Variants in TNKS1BP1 observed in about 807,000 individuals in gnomAD.
TNKS1BP1 encodes the protein CCR4-NOT transcription complex subunit 12, also known as 182 kDa tankyrase-1-binding protein.
In TNKS1BP1, 48 loss-of-function variants were observed where a neutral mutation model predicts 141.1. The ratio of observed to expected loss-of-function variants is 0.34; its 90% CI spans 0.27 to 0.43. The LOEUF is 0.43. TNKS1BP1 is among the 20% of genes least tolerant of loss of function. The pLI, the probability that TNKS1BP1 is intolerant of heterozygous loss-of-function variation, is 1.00. For synonymous variants in TNKS1BP1, 875 were observed against 898.2 expected, an observed-to-expected ratio of 0.97 and a Z score of 0.46; for missense variants, 2,149 against 2,226.0, an observed-to-expected ratio of 0.97 and a Z score of 0.70.
intron 5 of TNKS1BP1, chr11:57,311,432 C>T: frequency 1.0e-6 from 1 of 985,934 alleles, no homozygotes; most frequent in Non-Finnish European, 1.2e-6. Flanking sequence ...TAGAGCTGGG[C>T]TGCTACCCGC....
chr11:57,304,182 C>G (rs867479411), intron 6 of TNKS1BP1, among the ~76,000 whole-genome samples: 1 of 152,094 alleles, frequency 6.6e-6, no homozygotes, highest in Admixed American at 6.5e-5. Flanking sequence ...AAGCCTGGCA[C>G]GGCAGTGCCT....
rs945903243 is a variant in TNKS1BP1, at chr11:57,306,200, C to T, written c.4316+2195G>A. On this transcript the variant is annotated intron_variant, in intron 6 of 11. Transcript: ENST00000358252. ...GGCTGAGGCAGGAGAATCGCTTGAA[C>T]CCAGAAGGCAGAGGTTGCAGTGAGC... is the stretch of plus-strand genomic sequence containing the variant. Among the ~76,000 whole-genome samples, 4 of 151,288 alleles carry T rather than the reference C, an allele frequency of 2.6e-5. No homozygotes were observed. The South Asian group carries it at 6.2e-4, about 24-fold the overall frequency.
rs576393669 is a variant in TNKS1BP1, at chr11:57,320,207, C to A, written c.600G>T (p.Arg200Ser). The stretch of plus-strand genomic sequence containing the variant: ...TGGGAGCAGTGGTCGTGCCATAGGT[C>A]CTGGGGCCATATCGCGAGCTGCCAT... Reference protein sequence around the residue: ...NHDGSSRYGPRTYGTTTAPRD... With the variant: ...NHDGSSRYGPSTYGTTTAPRD... Residue 200 changes from arginine (R) to serine (S), a missense_variant, in exon 3 of 12, where the codon AGG (arginine) becomes AGT (serine). Physicochemically the swap from Arg to Ser is moderately radical, Grantham distance 110 (BLOSUM62 -1). Coordinates refer to ENST00000358252, the MANE Select transcript of TNKS1BP1 (RefSeq NM_033396.3). 172 of 1,614,226 alleles carry A rather than the reference C, an allele frequency of 1.1e-4. No homozygotes were observed. The Middle Eastern group carries it at 1.3e-3, about 12-fold the overall frequency.
chr11:57,308,247 TA>T (rs1855642675), intron 6 of TNKS1BP1, 147 bp downstream of exon 6: 4 of 1,162,224 alleles, frequency 3.4e-6, no homozygotes, highest in South Asian at 1.7e-5. Flanking sequence ...TAAGTAGAAC[TA>T]AAAATTCTTA....
At chr11:57,320,024 C>CCCCCCCCCCATACCA in intron 3 of TNKS1BP1, 55 bp downstream of exon 3, 1 of 654,164 alleles carries the variant, frequency 1.5e-6, no homozygotes. Context: ...CCCACCCAAT[C>CCCCCCCCCCATACCA]CCACCCCACC....
At chr11:57,316,826 A>G (rs1855806285) in intron 4 of TNKS1BP1, among the ~76,000 whole-genome samples, 1 of 152,224 alleles carries the variant, frequency 6.6e-6, no homozygotes, top group Non-Finnish European at 1.5e-5. Flanking sequence ...ACTCTTCACA[A>G]CTAAGACAGC....
chr11:57,319,026 T>C (rs1855840054), intron 3 of TNKS1BP1, among the ~76,000 whole-genome samples: 1 of 151,234 alleles, frequency 6.6e-6, no homozygotes, highest in Non-Finnish European at 1.5e-5. Flanking sequence ...GCGCCTGTAG[T>C]CCCAGCTACT....
intron 8 of TNKS1BP1, 56 bp from the exon 9 acceptor site, chr11:57,301,999 C>T (rs1565037058): frequency 6.2e-7 from 1 of 1,606,026 alleles, no homozygotes; most frequent in Non-Finnish European, 8.5e-7. Flanking sequence ...ACTCCCCGAA[C>T]CCATAACCCC....
rs1317723642 is a variant in TNKS1BP1, at chr11:57,309,430, A to C, written c.3281T>G (p.Val1094Gly). The change falls in exon 6 of 12, where the codon GTT (valine) becomes GGT (glycine). Residue 1094 changes from valine to glycine, a missense_variant. By Grantham distance (109) the Val-to-Gly change is moderately radical. Coordinates refer to ENST00000358252, the MANE Select transcript of TNKS1BP1 (RefSeq NM_033396.3). This position sits in a 1 kb window ranked among gnomAD's most constrained non-coding sequence, Gnocchi z 4.3. ...RGWVGEFSLSVGPQREAAFSP... is the reference protein window; with the variant it reads ...RGWVGEFSLSGGPQREAAFSP... Reference sequence around the variant, plus strand: ...AAATGCTGCCTCTCGCTGGGGGCCAACACTGAGGCTAAACTCACCGACCCA... The same window carrying C: ...AAATGCTGCCTCTCGCTGGGGGCCACCACTGAGGCTAAACTCACCGACCCA... The C allele has an allele frequency of 6.2e-7, 1 of 1,613,922 alleles. No individual in the cohort carries two copies. Among genetic ancestry groups the C allele is most frequent in the Non-Finnish European group, 8.5e-7 (1 of 1,180,012 alleles).
chr11:57,310,460 C>T lies in TNKS1BP1; in HGVS notation c.2251G>A (p.Gly751Ser). Residue 751 changes from glycine to serine, a missense_variant, in exon 6 of 12, where the codon GGT (glycine) becomes AGT (serine). By Grantham distance (56) the Gly-to-Ser change is moderately conservative. Transcript: ENST00000358252. Reference protein sequence around the residue: ...SSFSPSSWCQGASQDYGLGGA... With the variant: ...SSFSPSSWCQSASQDYGLGGA... ...CCAAGGCCATAGTCCTGAGAAGCAC[C>T]TTGACACCAGCTGGAAGGACTGAAA... The T allele has an allele frequency of 1.2e-6, 2 of 1,613,542 alleles. No individual in the cohort carries two copies. Among genetic ancestry groups the T allele is most frequent in the Non-Finnish European group, 1.7e-6 (2 of 1,180,036 alleles).
rs1855821372 is a variant in TNKS1BP1 at position 57,317,849 on chromosome 11, G to A, written c.767C>T (p.Ala256Val). 1 of 1,614,050 alleles carries A rather than the reference G, an allele frequency of 6.2e-7. No individual in the cohort carries two copies. The highest frequency in any genetic ancestry group is 2.2e-5 in the East Asian group (1 of 44,886). The change falls in exon 4 of 12, where the codon GCT becomes GTT. Residue 256 changes from alanine (A) to valine (V), a missense_variant. Coordinates refer to ENST00000358252, the MANE Select transcript of TNKS1BP1 (RefSeq NM_033396.3). ...AGGTAGCTCCGAGCTGGCTGCCTTA[G>A]CCAGGTCCCCGTTGAAGGCCAGGTC... Reference protein sequence around the residue: ...PSDLAFNGDLAKAASSELPAD... With the variant: ...PSDLAFNGDLVKAASSELPAD...
intron 3 of TNKS1BP1, 59 bp downstream of exon 3, chr11:57,320,020 C>CCCCCCCCAA: frequency 4.1e-6 from 5 of 1,213,902 alleles, no homozygotes; most frequent in African/African-American, 1.5e-5. Context: ...AGCCCCCACC[C>CCCCCCCCAA]AATCCCACCC....
chr11:57,321,913 G>T lies in TNKS1BP1; in HGVS notation c.-28C>A. 1 of 1,613,172 alleles carries T rather than the reference G, an allele frequency of 6.2e-7. No individual in the cohort carries two copies. Among genetic ancestry groups the T allele is most frequent in the South Asian group, 1.1e-5 (1 of 90,924 alleles). Reference sequence around the variant, plus strand: ...CATGCGGCAGACCCTCCTTGAGAGCGGGGAGGCAGAGAGGTATGAGCTGGG... The same window carrying T: ...CATGCGGCAGACCCTCCTTGAGAGCTGGGAGGCAGAGAGGTATGAGCTGGG... On this transcript the variant is annotated 5_prime_UTR_variant, in exon 2 of 12. Transcript: ENST00000358252.
chr11:57,300,862 G>T, intron 10 of TNKS1BP1, 22 bp downstream of exon 10: 1 of 1,608,374 alleles, frequency 6.2e-7, no homozygotes, highest in South Asian at 1.1e-5. Flanking sequence ...GTCAGCGGAT[G>T]CCCAGAGCTT....
intron 5 of TNKS1BP1, 86 bp downstream of exon 5, chr11:57,312,448 T>C: frequency 3.7e-6 from 5 of 1,360,884 alleles, no homozygotes; most frequent in East Asian, 2.6e-5. Context: ...GCTCTCGACA[T>C]GTAAAATCCA....
chr11:57,323,052 GATT>G (rs1476401732), intron 1 of TNKS1BP1, among the ~76,000 whole-genome samples: 2 of 152,190 alleles, frequency 1.3e-5, no homozygotes, highest in African/African-American at 4.8e-5. Context: ...TGAAAAATGG[GATT>G]ATTGAGACCC....
chr11:57,312,913 G>C lies in TNKS1BP1; in HGVS notation c.1775C>G (p.Ser592Trp). ...CTCCTGTCCAGCCAAGGGCTCCTGC[G>C]ACTCGTATCTCTCCTCTGCCTGCTG... ...PLQQAEERYE[S>W]QEPLAGQESP... The change falls in exon 5 of 12, where the codon TCG becomes TGG. Residue 592 changes from serine (S) to tryptophan (W), a missense_variant. Ser to Trp is a radical substitution (Grantham distance 177). Transcript: ENST00000358252. The C allele has an allele frequency of 6.2e-7, 1 of 1,610,998 alleles. No homozygotes were observed. The highest frequency in any genetic ancestry group is 8.5e-7 in the Non-Finnish European group (1 of 1,178,028).
chr11:57,314,467 G>A (rs960824439), intron 4 of TNKS1BP1, among the ~76,000 whole-genome samples: 9 of 152,190 alleles, frequency 5.9e-5, no homozygotes, highest in Non-Finnish European at 7.4e-5. Context: ...GTGTGACAGC[G>A]CCTGGCTTGA....
At chr11:57,319,650 C>G (rs891475745) in intron 3 of TNKS1BP1, among the ~76,000 whole-genome samples, 4 of 151,838 alleles carry the variant, frequency 2.6e-5, no homozygotes, top group Non-Finnish European at 5.9e-5. Flanking sequence ...GCCTGTAATC[C>G]CAGCTACTCA....
Sources: gnomAD v4.1 joint callset for allele counts (sites outside exome capture counted in the v4.1 genomes callset) on GRCh38, gnomAD v4.1.1 for gene constraint, Gnocchi (gnomAD v3.1) non-coding constraint, MANE v1.5 for transcripts, NCBI Gene and HGNC (gene_info 2026-07-23, HGNC 2026-07-21) for gene names.